Variants in ITGA7 observed in about 807,000 individuals in gnomAD.
ITGA7 encodes the protein integrin alpha-7.
Under a neutral mutation model 131.6 loss-of-function variants are expected in ITGA7, and 84 were observed. The ratio of observed to expected loss-of-function variants is 0.64; its 90% CI spans 0.54 to 0.77. ITGA7 has a LOEUF of 0.77. ITGA7 is among the 30% of genes least tolerant of loss of function. The pLI, the probability that ITGA7 is intolerant of heterozygous loss-of-function variation, is 0.00. For synonymous variants in ITGA7, 548 were observed against 600.7 expected (o/e 0.91, Z 1.28); for missense variants, 1,399 against 1,482.9 (o/e 0.94, Z 0.93).
chr12:55,697,605 T>C, intron 9 of ITGA7, 59 bp from the exon 10 acceptor site: 1 of 1,610,094 alleles, frequency 6.2e-7, no homozygotes, highest in East Asian at 2.2e-5. Flanking sequence ...GGAAACACTC[T>C]TCAGCATTAG....
Position 55,703,181 on chromosome 12 carries a change from G to T in ITGA7, c.207-3C>A. The T allele has an allele frequency of 6.2e-7, 1 of 1,608,494 alleles. No individual in the cohort carries two copies. ...CCTGGGGAGCACCCACCAGCAGCCT[G>T]CAAGATGGGGCAGGGGCAGGGACAG... On this transcript the variant is annotated splice_region_variant and splice_polypyrimidine_tract_variant and intron_variant, in intron 1 of 24. Transcript: ENST00000257879.
rs1366460153 is a variant in ITGA7 at position 55,694,310 on chromosome 12, T to C, written c.2378A>G (p.His793Arg). The C allele has an allele frequency of 3.1e-6, 5 of 1,613,794 alleles. No homozygotes were observed. Among genetic ancestry groups the C allele is most frequent in the African/African-American group, 1.3e-5 (1 of 74,932 alleles). ...GACACGGGCTCGTGCAGAGACTGGA[T>C]GCAGCTCCTGCTCACTGATCCTGGT... The part of the protein sequence containing the change: ...LLATISEQEL[H>R]PVSARARVFI... The change falls in exon 18 of 25, where the codon CAT (histidine) becomes CGT (arginine). Residue 793 changes from histidine (H) to arginine (R), a missense_variant. By Grantham distance (29) the His-to-Arg change is conservative. Transcript: ENST00000257879. This position sits in a 1 kb window ranked among gnomAD's most constrained non-coding sequence, Gnocchi z 5.3.
chr12:55,687,825 A>G, intron 24 of ITGA7, 146 bp downstream of exon 24: 1 of 1,101,310 alleles, frequency 9.1e-7, no homozygotes, highest in Non-Finnish European at 1.4e-6. Flanking sequence ...CCAGGGACTA[A>G]TAGAGTTCCT....
Position 55,693,176 on chromosome 12 carries a change from CT to C in ITGA7, c.2676del (p.Leu894PhefsTer98), listed in dbSNP as rs756636465. 2.5e-6 allele frequency: 4 copies of C among 1,613,968 alleles called. No individual in the cohort carries two copies. The highest frequency in any genetic ancestry group is 3.4e-6 in the Non-Finnish European group (4 of 1,180,030). On this transcript the variant is annotated frameshift_variant, in exon 20 of 25. Transcript: ENST00000257879. LOFTEE classifies it high-confidence loss of function. ...ELEGGQGPGQ[K>X]GLCSPRPNIL... is the part of the protein sequence containing the mutation. The stretch of plus-strand genomic sequence containing the variant: ...ATGTTGGGCCTGGGAGAGCAAAGCC[CT>C]TTCTGCCCAGGCCCCTGCCCGCCCT...
chr12:55,714,685 C>A (rs1449839164), upstream of ITGA7, among the ~76,000 whole-genome samples: 3 of 138,574 alleles, frequency 2.2e-5, no homozygotes, highest in African/African-American at 9.1e-5. Flanking sequence ...GACTCTGTCT[C>A]AAAAATAATA....
In ITGA7 at chr12:55,698,373, CCCGTCACA is replaced by C. The variant is rs1333946912; in HGVS notation, c.1192+2_1192+9del. On this transcript the variant is annotated splice_donor_variant and splice_donor_5th_base_variant and intron_variant, in intron 7 of 24. Coordinates refer to ENST00000257879, the MANE Select transcript of ITGA7 (RefSeq NM_002206.3). LOFTEE classifies it high-confidence loss of function. The stretch of plus-strand genomic sequence containing the variant: ...CTCCCTCCCTGAGCCTTTCCAGTTC[CCCGTCACA>C]CCTGGAAAGCCATCTTGGTTGAGGT... 1 of 1,604,856 alleles carries C rather than the reference CCCGTCACA, an allele frequency of 6.2e-7. No individual in the cohort carries two copies. Among genetic ancestry groups the C allele is most frequent in the Non-Finnish European group, 8.5e-7 (1 of 1,175,934 alleles).
Position 55,694,329 on chromosome 12 carries a change from T to A in ITGA7, c.2359A>T (p.Ile787Phe), listed in dbSNP as rs1307621254. ...ACTGGATGCAGCTCCTGCTCACTGA[T>A]CCTGGTGAGTGGGCAGGGGCAAGTA... ...ELEVELLLAT[I>F]SEQELHPVSA... The change falls in exon 18 of 25, where the codon ATC (isoleucine) becomes TTC (phenylalanine). Residue 787 changes from isoleucine to phenylalanine, a missense_variant and splice_region_variant. Coordinates refer to ENST00000257879, the MANE Select transcript of ITGA7 (RefSeq NM_002206.3). This position sits in a 1 kb window ranked among gnomAD's most constrained non-coding sequence, Gnocchi z 5.3. 4 of 1,613,652 alleles carry A rather than the reference T, an allele frequency of 2.5e-6. No homozygotes were observed. Among genetic ancestry groups the A allele is most frequent in the East Asian group, 2.2e-5 (1 of 44,886 alleles).
upstream of ITGA7, among the ~76,000 whole-genome samples, chr12:55,709,958 A>C (rs1374591201): frequency 6.6e-6 from 1 of 152,220 alleles, no homozygotes; most frequent in Non-Finnish European, 1.5e-5. Flanking sequence ...AACACACAAG[A>C]GCGTGCTAGA....
At position 55,693,297 on chromosome 12, in the gene ITGA7, C is replaced by T. The variant is rs138301131; in HGVS notation, c.2556G>A (p.Ser852=). 91 of 1,613,458 alleles carry T rather than the reference C, an allele frequency of 5.6e-5. 1 individual carries two copies. In the Middle Eastern group the frequency reaches 1.3e-3, roughly 23 times the overall value. Residue 852 remains serine, a synonymous_variant, in exon 20 of 25, where the codon TCG becomes TCA. Transcript: ENST00000257879. The part of the protein sequence containing the change: ...YEVTVSNQGQ[S]LRTLGSAFLN... ...GGAAGGCAGAGCCCAGGGTTCTGAG[C>T]GACTGGCCTTGGTTGGAAACCTGTG...
At chr12:55,696,486 G>T in intron 12 of ITGA7, 54 bp from the exon 13 acceptor site, 2 of 1,555,016 alleles carry the variant, frequency 1.3e-6, no homozygotes, top group East Asian at 2.3e-5. Context: ...CCTCAGCCCT[G>T]CTCAGTGCCC....
rs373121096 is a variant in ITGA7 at position 55,694,564 on chromosome 12, A to G, written c.2278-42T>C. 1.5e-5 allele frequency: 24 copies of G among 1,613,060 alleles called. No homozygotes were observed. The African/African-American group carries it at 2.9e-4, about 20-fold the overall frequency. On this transcript the variant is annotated intron_variant, in intron 16 of 24. Coordinates refer to ENST00000257879, the MANE Select transcript of ITGA7 (RefSeq NM_002206.3). This position sits in a 1 kb window ranked among gnomAD's most constrained non-coding sequence, Gnocchi z 5.3. ...AAGAGATTAGAGTCAGGGGTGGTCTACGGGCTTATGGAGAGGCTACTCACG... is the reference window on the plus strand; with the variant it reads ...AAGAGATTAGAGTCAGGGGTGGTCTGCGGGCTTATGGAGAGGCTACTCACG...
Position 55,698,650 on chromosome 12 carries a change from G to C in ITGA7, c.998+60C>G, listed in dbSNP as rs1161806363. The C allele has an allele frequency of 2.5e-6, 4 of 1,611,758 alleles. No homozygotes were observed. In the African/African-American group the frequency reaches 5.3e-5, roughly 22 times the overall value. ...GCCAGCAGGAGGCTAAGTGGCCTCA[G>C]CCAGACTGGGGCTACTAGACCCAGC... On this transcript the variant is annotated intron_variant, in intron 6 of 24. Coordinates refer to ENST00000257879, the MANE Select transcript of ITGA7 (RefSeq NM_002206.3).
At position 55,707,581 on chromosome 12, in the gene ITGA7, G is replaced by T. The variant is rs774959390; in HGVS notation, c.102C>A (p.Phe34Leu). 1.2e-6 allele frequency: 2 copies of T among 1,613,776 alleles called. No homozygotes were observed. The highest frequency in any genetic ancestry group is 1.7e-6 in the Non-Finnish European group (2 of 1,179,896). The change falls in exon 1 of 25, where the codon TTC becomes TTA. Residue 34 changes from phenylalanine to leucine, a missense_variant. Coordinates refer to ENST00000257879, the MANE Select transcript of ITGA7 (RefSeq NM_002206.3). ...GCAAGGCACCCATCACGTCCAGATT[G>T]AAGGCGACAGCCCGTGAGAAGAGCA... Reference protein sequence around the residue: ...VELLFSRAVAFNLDVMGALRK... With the variant: ...VELLFSRAVALNLDVMGALRK...
At chr12:55,685,317 G>A (rs772249570) in intron 24 of ITGA7, 29 bp from the exon 25 acceptor site, 1 of 1,599,974 alleles carries the variant, frequency 6.3e-7, no homozygotes, top group African/African-American at 1.3e-5. Context: ...AGACCATGAG[G>A]AGCCTGAAGA....
chr12:55,687,855 T>C, intron 24 of ITGA7, 116 bp downstream of exon 24: 2 of 1,360,144 alleles, frequency 1.5e-6, no homozygotes, highest in Non-Finnish European at 2.1e-6. Flanking sequence ...AGGGCAAGTG[T>C]TCAGTGCAGA....
chr12:55,693,082 C>T (rs1565618211), intron 20 of ITGA7, 59 bp downstream of exon 20: 1 of 1,610,580 alleles, frequency 6.2e-7, no homozygotes, highest in Non-Finnish European at 8.5e-7. Flanking sequence ...GCACTCACTA[C>T]CCTTACTCCC....
intron 14 of ITGA7, 54 bp from the exon 15 acceptor site, chr12:55,695,024 C>T (rs1170025899): frequency 7.1e-6 from 11 of 1,554,220 alleles, no homozygotes; most frequent in Admixed American, 1.7e-5. Flanking sequence ...CCCTACCATT[C>T]CCCCGCCCAG....
rs201977360 is a variant in ITGA7 at position 55,685,233 on chromosome 12, G to A, written c.3239C>T (p.Ala1080Val). 7.4e-6 allele frequency: 12 copies of A among 1,614,066 alleles called. 1 individual carries two copies. In the Middle Eastern group the frequency reaches 4.9e-4, roughly 66 times the overall value. Residue 1080 changes from alanine to valine, a missense_variant, in exon 25 of 25, where the codon GCG (alanine) becomes GTG (valine). Physicochemically the swap from Ala to Val is moderately conservative, Grantham distance 64 (BLOSUM62 0). Coordinates refer to ENST00000257879, the MANE Select transcript of ITGA7 (RefSeq NM_002206.3). The part of the protein sequence containing the change: ...HPEATVPQYH[A>V]VKIPREDRQQ... ...TCGGTCTTCCCGAGGAATCTTCACC[G>A]CATGGTACTGGGGCACGGTGGCCTC... is the stretch of plus-strand genomic sequence containing the variant.
At position 55,697,784 on chromosome 12, in the gene ITGA7, G is replaced by A; in HGVS notation, c.1320C>T (p.Gly440=). 1 of 1,614,126 alleles carries A rather than the reference G, an allele frequency of 6.2e-7. No homozygotes were observed. The highest frequency in any genetic ancestry group is 1.3e-5 in the African/African-American group (1 of 75,020). Reference sequence around the variant, plus strand: ...TATCCAAGCTGCCTGACAGGGAGTAGCCGAAGCTCTTGATGCCCACAGCCT... The same window carrying A: ...TATCCAAGCTGCCTGACAGGGAGTAACCGAAGCTCTTGATGCCCACAGCCT... ...EGEAVGIKSF[G]YSLSGSLDMD... is the part of the protein sequence containing the mutation. The change falls in exon 9 of 25, where the codon GGC becomes GGT. Residue 440 remains glycine, a synonymous_variant. Coordinates refer to ENST00000257879, the MANE Select transcript of ITGA7 (RefSeq NM_002206.3).
Sources: gnomAD v4.1 joint callset for allele counts (sites outside exome capture counted in the v4.1 genomes callset) on GRCh38, gnomAD v4.1.1 for gene constraint, Gnocchi (gnomAD v3.1) non-coding constraint, MANE v1.5 for transcripts, NCBI Gene and HGNC (gene_info 2026-07-23, HGNC 2026-07-21) for gene names.